The following FER variants were observed in gnomAD, a reference collection of about 807,000 sequenced individuals.
FER encodes the protein FER tyrosine kinase.
A neutral mutation model predicts 111.0 loss-of-function variants in FER; 63 were observed. That is an observed-to-expected ratio of 0.57 (90% CI 0.46 to 0.70). FER has a LOEUF of 0.70. FER is among the 30% of genes least tolerant of loss of function. The pLI is 0.00. For missense variants in FER, 914 were observed against 954.0 expected, an observed-to-expected ratio of 0.96 and a Z score of 0.55; for synonymous variants, 327 against 313.9, an observed-to-expected ratio of 1.04 and a Z score of -0.44.
At chr5:108,827,357 G>C (rs1187416845) in intron 3 of FER, among the ~76,000 whole-genome samples, 1 of 152,166 alleles carries the variant, frequency 6.6e-6, no homozygotes, top group Non-Finnish European at 1.5e-5. Context: ...GTTTCTAACT[G>C]TGAGCAATCA....
chr5:108,897,787 A>C lies in FER; in HGVS notation c.1175A>C (p.Asp392Ala). ...ELLEQKVQEN[D>A]GKEPPPVVNY... Reference sequence around the variant, plus strand: ...CTAGAGCAAAAAGTGCAAGAAAATGATGGGAAAGAGCCACCTCCAGTAGTA... The same window carrying C: ...CTAGAGCAAAAAGTGCAAGAAAATGCTGGGAAAGAGCCACCTCCAGTAGTA... Residue 392 changes from aspartate to alanine, a missense_variant, in exon 10 of 20, where the codon GAT becomes GCT. Coordinates refer to ENST00000281092, the MANE Select transcript of FER (RefSeq NM_005246.4). The C allele has an allele frequency of 6.2e-7, 1 of 1,613,704 alleles. No individual in the cohort carries two copies. The highest frequency in any genetic ancestry group is 8.5e-7 in the Non-Finnish European group (1 of 1,179,780).
intron 10 of FER, among the ~76,000 whole-genome samples, chr5:108,902,702 C>G (rs1349913027): frequency 6.6e-6 from 1 of 152,078 alleles, no homozygotes; most frequent in Non-Finnish European, 1.5e-5. Context: ...GATTAAATGT[C>G]TAATAATTCT....
At chr5:108,749,042 C>T (rs1355992799) in intron 1 of FER, 1 of 151,696 alleles carries the variant, frequency 6.6e-6, no homozygotes, top group African/African-American at 2.4e-5. Context: ...CCCGGGGCAA[C>T]GCGGGGGGAG....
In FER at chr5:109,146,244, A is replaced by ATTATCTATCTAATATATATATATATT. The variant is rs373376729; in HGVS notation, c.2049-34503_2049-34502insTTATCTATCTAATATATATATATATT. Among the ~76,000 whole-genome samples the ATTATCTATCTAATATATATATATATT allele has an allele frequency of 2.2e-3, 149 of 67,254 alleles. 8 individuals are homozygous for ATTATCTATCTAATATATATATATATT. Among genetic ancestry groups the ATTATCTATCTAATATATATATATATT allele is most frequent in the African/African-American group, 6.1e-3 (97 of 15,954 alleles). 44.1% of individuals were successfully genotyped at this position (67,254 alleles called of 152,430 possible). A position where few individuals can be genotyped will look rare whatever the true frequency, so the allele number is the denominator to read the frequency against. On this transcript the variant is annotated intron_variant, in intron 17 of 19. Transcript: ENST00000281092. ...TATATTATCTATCTAATATATATAT[A>ATTATCTATCTAATATATATATATATT]ATCTATCTAATATATATATATATAT...
intron 13 of FER, among the ~76,000 whole-genome samples, chr5:108,969,616 T>TTTTTTTTTTTTTTTTTTTTAGACG (rs1561695264): frequency 6.7e-6 from 1 of 149,050 alleles, no homozygotes; most frequent in African/African-American, 2.6e-5. Flanking sequence ...TTAATTTTTT[T>TTTTTTTTTTTTTTTTTTTTAGACG]GAACACTGTG....
intron 5 of FER, among the ~76,000 whole-genome samples, chr5:108,859,645 T>C (rs1425606311): frequency 2.0e-5 from 3 of 152,172 alleles, no homozygotes; most frequent in African/African-American, 7.2e-5. Context: ...AATTATGGAA[T>C]GTAGATTTGG....
At chr5:108,872,901 T>C (rs983645213) in intron 8 of FER, among the ~76,000 whole-genome samples, 3 of 152,228 alleles carry the variant, frequency 2.0e-5, no homozygotes, top group African/African-American at 7.2e-5. Context: ...TTTTTCTTTA[T>C]GCCAGAACCA....
chr5:108,991,122 A>T (rs1763114271), intron 13 of FER, among the ~76,000 whole-genome samples: 1 of 151,714 alleles, frequency 6.6e-6, no homozygotes, highest in Admixed American at 6.6e-5. Context: ...AGAAAATAAG[A>T]AAATTATTAA....
chr5:109,043,864 G>C (rs1034807157), intron 14 of FER, among the ~76,000 whole-genome samples: 7 of 151,902 alleles, frequency 4.6e-5, no homozygotes, highest in Admixed American at 1.3e-4. Context: ...CCAGCTACTC[G>C]GGAGGCTGAG....
At chr5:109,023,451 C>G (rs114791332) in intron 13 of FER, among the ~76,000 whole-genome samples, 186 of 152,170 alleles carry the variant, frequency 1.2e-3, no homozygotes, top group African/African-American at 4.3e-3. Flanking sequence ...CTCAGGGGAA[C>G]AATGTGGACT....
intron 10 of FER, among the ~76,000 whole-genome samples, chr5:108,923,745 A>G (rs1392185461): frequency 1.3e-5 from 2 of 152,202 alleles, no homozygotes; most frequent in Non-Finnish European, 2.9e-5. Context: ...TGTTAAGTGT[A>G]GTAGGTTTTT....
intron 4 of FER, 126 bp downstream of exon 4, chr5:108,833,069 C>G: frequency 1.4e-6 from 1 of 716,712 alleles, no homozygotes. Flanking sequence ...TTTATGGTCT[C>G]TAATAAGTAA....
intron 17 of FER, among the ~76,000 whole-genome samples, chr5:109,122,944 G>T (rs552549427): frequency 2.2e-4 from 34 of 152,074 alleles, no homozygotes; most frequent in African/African-American, 8.2e-4. Context: ...TTATTTTCAG[G>T]ATATGTGTGT....
At chr5:108,932,866 T>C (rs1011443686) in intron 10 of FER, among the ~76,000 whole-genome samples, 26 of 151,856 alleles carry the variant, frequency 1.7e-4, no homozygotes, top group Non-Finnish European at 3.1e-4. Context: ...CTTTTTTTTT[T>C]TTTTGATGGG....
At chr5:109,007,843 C>G (rs2149795484) in intron 13 of FER, among the ~76,000 whole-genome samples, 1 of 152,270 alleles carries the variant, frequency 6.6e-6, no homozygotes, top group African/African-American at 2.4e-5. Flanking sequence ...AAATTATTTT[C>G]TAAAGTGGCT....
intron 18 of FER, among the ~76,000 whole-genome samples, chr5:109,185,378 C>A (rs930304953): frequency 2.6e-5 from 4 of 152,124 alleles, no homozygotes; most frequent in Admixed American, 6.5e-5. Flanking sequence ...GAAAATGAGA[C>A]CTTTAAGCAT....
rs70999913 is a variant in FER at position 108,817,103 on chromosome 5, CAAAAAAAAAAAAAAAAAAAAAAA to C, written c.208-15655_208-15633del. On this transcript the variant is annotated intron_variant, in intron 3 of 19. Coordinates refer to ENST00000281092, the MANE Select transcript of FER (RefSeq NM_005246.4). Reference sequence around the variant, plus strand: ...TGGGCAACAGAGCAAGACACTGTCTCAAAAAAAAAAAAAAAAAAAAAAAAAAAAAAAAAAGCTTGCAGTTGCTT... The same window carrying C: ...TGGGCAACAGAGCAAGACACTGTCTCAAAAAAAAAAAGCTTGCAGTTGCTT... Among the ~76,000 whole-genome samples the C allele has an allele frequency of 6.8e-5, 4 of 59,204 alleles. No individual in the cohort carries two copies. The East Asian group carries it at 2.9e-3, about 43-fold the overall frequency. 38.8% of individuals were successfully genotyped at this position (59,204 alleles called of 152,430 possible). A position where few individuals can be genotyped will look rare whatever the true frequency, so the allele number is the denominator to read the frequency against.
At chr5:109,147,014 A>T (rs142273565) in intron 17 of FER, among the ~76,000 whole-genome samples, 1 of 152,094 alleles carries the variant, frequency 6.6e-6, no homozygotes. Flanking sequence ...AATACAGAAT[A>T]TATGTGATAA....
chr5:109,084,302 T>C (rs58082350), intron 16 of FER, among the ~76,000 whole-genome samples: 3,831 of 152,080 alleles, frequency 0.025, 184 homozygotes, highest in African/African-American at 0.087. Flanking sequence ...TTGAAGTTCC[T>C]TTTGCCCATT....
Sources: gnomAD v4.1 joint callset for allele counts (sites outside exome capture counted in the v4.1 genomes callset) on GRCh38, gnomAD v4.1.1 for gene constraint, MANE v1.5 for transcripts, NCBI Gene and HGNC (gene_info 2026-07-23, HGNC 2026-07-21) for gene names.